FYN: variants seen among roughly 807,000 people sequenced by gnomAD.
The protein encoded by FYN is FYN proto-oncogene, Src family tyrosine kinase, also known as tyrosine-protein kinase Fyn.
Under a neutral mutation model 70.2 loss-of-function variants are expected in FYN, and 10 were observed. That is an observed-to-expected ratio of 0.14 (90% CI 0.09 to 0.24). FYN has a LOEUF of 0.24. Among genes scored for constraint, FYN ranks in the 10% least tolerant of loss-of-function variants. The pLI is 1.00. For missense variants in FYN, 319 were observed against 673.1 expected (o/e 0.47, Z 5.82); for synonymous variants, 236 against 248.6 (o/e 0.95, Z 0.48).
chr6:111,869,088 A>G (rs1774195823), intron 1 of FYN, among the ~76,000 whole-genome samples: 1 of 152,268 alleles, frequency 6.6e-6, no homozygotes, highest in Non-Finnish European at 1.5e-5. Flanking sequence ...TGCATTAACA[A>G]TTATGATGGC....
intron 2 of FYN, among the ~76,000 whole-genome samples, chr6:111,801,728 T>C (rs1272193334): frequency 6.6e-6 from 1 of 152,312 alleles, no homozygotes; most frequent in East Asian, 1.9e-4. Flanking sequence ...TTGTGCACTG[T>C]TTTTGTCTTA....
intron 1 of FYN, among the ~76,000 whole-genome samples, chr6:111,854,539 G>C (rs555027555): frequency 5.3e-4 from 80 of 152,308 alleles, no homozygotes; most frequent in African/African-American, 1.8e-3. Flanking sequence ...GGAAAACACA[G>C]AAAGTTATAG....
intron 2 of FYN, among the ~76,000 whole-genome samples, chr6:111,819,239 C>A (rs1772584254): frequency 6.6e-6 from 1 of 152,152 alleles, no homozygotes; most frequent in Non-Finnish European, 1.5e-5. Flanking sequence ...GAGATTCAGT[C>A]TTCAAAAAGC....
In FYN at chr6:111,825,933, T is replaced by A. The variant is rs112823267; in HGVS notation, c.-82+20656A>T. On this transcript the variant is annotated intron_variant, in intron 2 of 13. Transcript: ENST00000354650. ...CACTAGATTGTATTTCTTTGACTCA[T>A]ATCATTCTGACACTGGATTGGGTGG... Among the ~76,000 whole-genome samples, 674 of 152,360 alleles carry A rather than the reference T, an allele frequency of 4.4e-3. 3 individuals carry two copies. The highest frequency in any genetic ancestry group is 0.015 in the African/African-American group (641 of 41,576).
intron 4 of FYN, among the ~76,000 whole-genome samples, chr6:111,714,989 T>A (rs1232223853): frequency 6.6e-6 from 1 of 152,184 alleles, no homozygotes; most frequent in Non-Finnish European, 1.5e-5. Flanking sequence ...GCCCTTGGCA[T>A]CTGCAGTTCA....
At chr6:111,719,359 T>C (rs569947476) in intron 4 of FYN, among the ~76,000 whole-genome samples, 1 of 143,272 alleles carries the variant, frequency 7.0e-6, no homozygotes, top group African/African-American at 2.6e-5. Context: ...AAGAAGTGAG[T>C]GGGAAGAGGG....
chr6:111,853,357 C>CT (rs5879129), intron 1 of FYN, among the ~76,000 whole-genome samples: 45,163 of 145,464 alleles, frequency 0.31, 9,387 homozygotes, highest in African/African-American at 0.61. Flanking sequence ...CAAGACACTC[C>CT]TTTTTTTTTT....
At position 111,672,548 on chromosome 6, in the gene FYN, A is replaced by T. The variant is rs552044527; in HGVS notation, c.1405+1951T>A. On this transcript the variant is annotated intron_variant, in intron 13 of 13. Transcript: ENST00000354650. Reference sequence around the variant, plus strand: ...CATAGTAGGTAAAGCCAAGTAGTCCATCCTTTCAGGATGACTCCCTCTGAT... The same window carrying T: ...CATAGTAGGTAAAGCCAAGTAGTCCTTCCTTTCAGGATGACTCCCTCTGAT... Among the ~76,000 whole-genome samples, 285 of 152,356 alleles carry T rather than the reference A, an allele frequency of 1.9e-3. 3 individuals are homozygous for T. The highest frequency in any genetic ancestry group is 0.018 in the Admixed American group (273 of 15,308).
At chr6:111,860,602 T>C (rs910920454) in intron 1 of FYN, among the ~76,000 whole-genome samples, 5 of 152,204 alleles carry the variant, frequency 3.3e-5, no homozygotes, top group Non-Finnish European at 7.4e-5. Context: ...TGGGGTACAA[T>C]CAAATAATGT....
At chr6:111,781,563 C>T (rs566776900) in intron 2 of FYN, among the ~76,000 whole-genome samples, 1 of 152,330 alleles carries the variant, frequency 6.6e-6, no homozygotes, top group African/African-American at 2.4e-5. Context: ...GGCACTCAAG[C>T]TCACCCCAGC....
chr6:111,838,295 A>G (rs1194369491), intron 2 of FYN, among the ~76,000 whole-genome samples: 1 of 152,208 alleles, frequency 6.6e-6, no homozygotes, highest in East Asian at 1.9e-4. Flanking sequence ...TGACTGACTA[A>G]GCACCCTACC....
intron 12 of FYN, among the ~76,000 whole-genome samples, chr6:111,693,952 C>T (rs546719873): frequency 1.3e-5 from 2 of 152,308 alleles, no homozygotes; most frequent in South Asian, 4.1e-4. Flanking sequence ...AGTTCTGTTG[C>T]TGTTACAAGC....
rs75960775 is a variant in FYN, at chr6:111,680,735, T to C, written c.1274-6105A>G. Among the ~76,000 whole-genome samples, 768 of 152,356 alleles carry C rather than the reference T, an allele frequency of 5.0e-3. 11 individuals carry two copies. Among genetic ancestry groups the C allele is most frequent in the African/African-American group, 0.017 (716 of 41,576 alleles). On this transcript the variant is annotated intron_variant, in intron 12 of 13. Transcript: ENST00000354650. Reference sequence around the variant, plus strand: ...ACTTAACGAGTGGCTCTGGGTACATTTGTACTATTTTAGCACACTTCTCAC... The same window carrying C: ...ACTTAACGAGTGGCTCTGGGTACATCTGTACTATTTTAGCACACTTCTCAC...
intron 5 of FYN, among the ~76,000 whole-genome samples, chr6:111,709,441 C>T (rs2301465): frequency 0.11 from 16,530 of 152,160 alleles, 1,544 homozygotes; most frequent in African/African-American, 0.26. Flanking sequence ...ACAAAGGTGA[C>T]CAGCCAGCAT....
rs748779284 is a variant in FYN at position 111,707,907 on chromosome 6, C to G, written c.443+15G>C. 1 of 1,599,046 alleles carries G rather than the reference C, an allele frequency of 6.3e-7. No individual in the cohort carries two copies. Among genetic ancestry groups the G allele is most frequent in the East Asian group, 2.2e-5 (1 of 44,804 alleles). On this transcript the variant is annotated intron_variant, in intron 6 of 13. Coordinates refer to ENST00000354650, the MANE Select transcript of FYN (RefSeq NM_002037.5). ...TTAAAATCAAGTAGTTAAGTGAAAA[C>G]AAAATGAAACATACTCTTCTGCCTG...
chr6:111,846,526 C>G, intron 2 of FYN, 63 bp downstream of exon 2: 1 of 398,902 alleles, frequency 2.5e-6, no homozygotes, highest in Non-Finnish European at 4.4e-6. Flanking sequence ...ATCCTAGGTT[C>G]CAACAGGAAG....
chr6:111,790,201 T>G (rs75846791), intron 2 of FYN, among the ~76,000 whole-genome samples: 1 of 150,810 alleles, frequency 6.6e-6, no homozygotes, highest in East Asian at 2.0e-4. Context: ...CCATTTTATT[T>G]CAAAAAAAAA....
intron 4 of FYN, among the ~76,000 whole-genome samples, chr6:111,718,429 G>A (rs547725625): frequency 6.6e-6 from 1 of 152,266 alleles, no homozygotes; most frequent in East Asian, 1.9e-4. Context: ...TCCTGACTAC[G>A]GTGGAGACCC....
At chr6:111,730,279 G>C (rs1562494639) in intron 3 of FYN, among the ~76,000 whole-genome samples, 1 of 152,218 alleles carries the variant, frequency 6.6e-6, no homozygotes, top group African/African-American at 2.4e-5. Context: ...AGAGGATCCT[G>C]TAGGGGACAA....
Sources: gnomAD v4.1 joint callset for allele counts (sites outside exome capture counted in the v4.1 genomes callset) on GRCh38, gnomAD v4.1.1 for gene constraint, MANE v1.5 for transcripts, NCBI Gene and HGNC (gene_info 2026-07-23, HGNC 2026-07-21) for gene names.